Variants in VNN2 observed in about 807,000 individuals in gnomAD.
VNN2 encodes the protein vanin 2.
A neutral mutation model predicts 43.0 loss-of-function variants in VNN2; 43 were observed. The observed-to-expected ratio is 1.00, with a 90% CI of 0.78 to 1.29. The LOEUF (loss-of-function observed/expected upper bound fraction) is 1.29, where lower values mean the gene tolerates loss of function less well. Ranked by LOEUF, VNN2 falls within the 50% of genes most tolerant of loss-of-function variation. The probability of loss-of-function intolerance (pLI) is 0.00; values close to 1 mark genes in which losing one functional copy is unlikely to be tolerated. For missense variants in VNN2, 652 were observed against 619.7 expected (o/e 1.05, Z -0.55); for synonymous variants, 230 against 224.3 (o/e 1.03, Z -0.23).
chr6:132,754,891 T>C (rs1017090570), intron 3 of VNN2, among the ~76,000 whole-genome samples: 7 of 152,260 alleles, frequency 4.6e-5, no homozygotes, highest in African/African-American at 1.7e-4. Flanking sequence ...ATTTAGATTA[T>C]GGCTGTGCTC....
intron 6 of VNN2, among the ~76,000 whole-genome samples, chr6:132,747,871 T>C (rs1220805970): frequency 2.0e-5 from 3 of 152,174 alleles, no homozygotes; most frequent in Non-Finnish European, 2.9e-5. Flanking sequence ...AGAGTAAGAG[T>C]GAAATGGTAT....
chr6:132,751,831 A>T (rs2114568803), intron 4 of VNN2, among the ~76,000 whole-genome samples: 1 of 152,320 alleles, frequency 6.6e-6, no homozygotes, highest in East Asian at 1.9e-4. Flanking sequence ...GAAAGGGAAT[A>T]AAAATTCTCC....
rs751067481 is a variant in VNN2, at chr6:132,750,671, AAAAAGAAAAAGAAAAG to A, written c.1200+458_1200+473del. On this transcript the variant is annotated intron_variant, in intron 5 of 6. Transcript: ENST00000326499. ...AGAGTGAAATTGTCTCAAAAAAAAA[AAAAAGAAAAAGAAAAG>A]AAAAGAAAAAGAAAGCTATACAAAA... 3.2e-3 allele frequency among the ~76,000 whole-genome samples: 481 copies of A among 150,536 alleles called. 2 individuals are homozygous for A. Among genetic ancestry groups the A allele is most frequent in the Non-Finnish European group, 5.7e-3 (384 of 67,662 alleles).
chr6:132,754,198 C>T (rs2114593742), intron 3 of VNN2, among the ~76,000 whole-genome samples: 1 of 152,168 alleles, frequency 6.6e-6, no homozygotes, highest in East Asian at 1.9e-4. Flanking sequence ...AAATAAACTG[C>T]ATTGAAAGAT....
At chr6:132,759,434 G>A (rs147631753), upstream of VNN2, among the ~76,000 whole-genome samples, 2,146 of 85,516 alleles carry the variant, frequency 0.025, 58 homozygotes, top group African/African-American at 0.12. Context: ...GCGAAACTCC[G>A]TCTCAAAAAA....
intron 6 of VNN2, among the ~76,000 whole-genome samples, chr6:132,748,420 T>G (rs1240881433): frequency 6.6e-6 from 1 of 152,200 alleles, no homozygotes; most frequent in Non-Finnish European, 1.5e-5. Context: ...TTTCATAGAA[T>G]TAAGCATTTT....
upstream of VNN2, chr6:132,758,045 T>A (rs59835729): frequency 5.3e-3 from 1,803 of 343,018 alleles, 60 homozygotes; most frequent in Non-Finnish European, 6.1e-3. Flanking sequence ...TCTTCTTTTT[T>A]TTTTTTTTTT....
chr6:132,753,490 A>C (rs1780259457), intron 3 of VNN2: 1 of 454,886 alleles, frequency 2.2e-6, no homozygotes, highest in East Asian at 6.9e-5. Flanking sequence ...ACTCTTGCCC[A>C]CCTTTCAAAA....
At chr6:132,758,698 A>G (rs1314313933), upstream of VNN2, among the ~76,000 whole-genome samples, 1 of 152,174 alleles carries the variant, frequency 6.6e-6, no homozygotes, top group African/African-American at 2.4e-5. Context: ...AAAATGTAAC[A>G]CAGGACAATA....
intron 6 of VNN2, among the ~76,000 whole-genome samples, chr6:132,746,845 A>G (rs1239388613): frequency 6.6e-6 from 1 of 152,064 alleles, no homozygotes; most frequent in Non-Finnish European, 1.5e-5. Context: ...CTATCTTGCA[A>G]ATTTGATTAG....
Position 132,757,409 on chromosome 6 carries a change from A to T in VNN2, c.344+7T>A. The T allele has an allele frequency of 6.3e-7, 1 of 1,589,260 alleles. No individual in the cohort carries two copies. Among genetic ancestry groups the T allele is most frequent in the Non-Finnish European group, 8.5e-7 (1 of 1,171,794 alleles). On this transcript the variant is annotated splice_region_variant and intron_variant, in intron 2 of 6. Coordinates refer to ENST00000326499, the MANE Select transcript of VNN2 (RefSeq NM_004665.6). ...TTTTGCACAAAAGACTAAGATAGTT[A>T]AAATACCTGTGGGGGTCTTGACACG...
intron 6 of VNN2, among the ~76,000 whole-genome samples, chr6:132,747,537 A>T (rs1246644242): frequency 6.6e-6 from 1 of 152,144 alleles, no homozygotes; most frequent in African/African-American, 2.4e-5. Context: ...GAATCGCTTG[A>T]ACCCAAGAGG....
intron 6 of VNN2, among the ~76,000 whole-genome samples, chr6:132,747,243 T>C (rs9321362): frequency 0.04 from 6,029 of 152,244 alleles, 379 homozygotes; most frequent in African/African-American, 0.13. Flanking sequence ...TTTACCCTAA[T>C]GTGATTATTA....
At chr6:132,761,946 A>C (rs1445576588), upstream of VNN2, among the ~76,000 whole-genome samples, 1 of 152,246 alleles carries the variant, frequency 6.6e-6, no homozygotes, top group Non-Finnish European at 1.5e-5. Flanking sequence ...TACAACGCAG[A>C]TGACAATAAT....
Position 132,755,831 on chromosome 6 carries a change from ACTCT to A in VNN2, c.537+8_537+11del, listed in dbSNP as rs767447046. 27 of 1,599,192 alleles carry A rather than the reference ACTCT, an allele frequency of 1.7e-5. No individual in the cohort carries two copies. The highest frequency in any genetic ancestry group is 3.3e-4 in the Middle Eastern group (2 of 5,986). On this transcript the variant is annotated splice_region_variant and intron_variant, in intron 3 of 6. Transcript: ENST00000326499. ...ACACGCTCCATTTTACACGTCCGTC[ACTCT>A]CTCTTACCTTATGGTAACGTGCCAC...
intron 2 of VNN2, among the ~76,000 whole-genome samples, chr6:132,756,314 C>T: frequency 6.6e-6 from 1 of 152,146 alleles, no homozygotes; most frequent in Non-Finnish European, 1.5e-5. Flanking sequence ...TCCTCTAGTA[C>T]CTCCCATCTT....
Position 132,755,941 on chromosome 6 carries a change from T to C in VNN2, c.439A>G (p.Asn147Asp), listed in dbSNP as rs181383701. ...GGAGGACATGTGGAGTCACGGGAAT[T>C]ACATGGCTTTTTGTCCCCCAAATTT... ...LANLGDKKPC[N>D]SRDSTCPPNG... The change falls in exon 3 of 7, where the codon AAT becomes GAT. Residue 147 changes from asparagine to aspartate, a missense_variant. By Grantham distance (23) the Asn-to-Asp change is conservative. Coordinates refer to ENST00000326499, the MANE Select transcript of VNN2 (RefSeq NM_004665.6). 9.9e-6 allele frequency: 16 copies of C among 1,614,050 alleles called. No homozygotes were observed. In the Admixed American group the frequency reaches 1.5e-4, roughly 15 times the overall value.
intron 6 of VNN2, among the ~76,000 whole-genome samples, chr6:132,746,464 C>T (rs62425098): frequency 6.6e-6 from 1 of 152,048 alleles, no homozygotes; most frequent in African/African-American, 2.4e-5. Flanking sequence ...TTTCTAGAAA[C>T]AACATATTCA....
rs1282347540 is a variant in VNN2 at position 132,744,261 on chromosome 6, C to T, written c.*39G>A. 1 of 1,560,584 alleles carries T rather than the reference C, an allele frequency of 6.4e-7. No homozygotes were observed. Among genetic ancestry groups the T allele is most frequent in the Non-Finnish European group, 8.7e-7 (1 of 1,155,986 alleles). ...TGGGAAGCCGATAAACACATTCAGC[C>T]AAGCATATGATGCAGAAGCTGAGTG... On this transcript the variant is annotated 3_prime_UTR_variant, in exon 7 of 7. Coordinates refer to ENST00000326499, the MANE Select transcript of VNN2 (RefSeq NM_004665.6).
Sources: gnomAD v4.1 joint callset for allele counts (sites outside exome capture counted in the v4.1 genomes callset) on GRCh38, gnomAD v4.1.1 for gene constraint, MANE v1.5 for transcripts, NCBI Gene and HGNC (gene_info 2026-07-23, HGNC 2026-07-21) for gene names.